GPC6: variants seen among roughly 807,000 people sequenced by gnomAD.
GPC6 encodes the protein glypican 6.
In GPC6, 14 loss-of-function variants were observed where a neutral mutation model predicts 55.2. That is an observed-to-expected ratio of 0.25 (90% confidence interval 0.17 to 0.40). GPC6 has a LOEUF of 0.40. GPC6 is among the 10% of genes least tolerant of loss of function. The pLI, the probability that GPC6 is intolerant of heterozygous loss-of-function variation, is 1.00. For missense variants in GPC6, 641 were observed against 708.5 expected, an observed-to-expected ratio of 0.90 and a Z score of 1.08; for synonymous variants, 278 against 259.6, an observed-to-expected ratio of 1.07 and a Z score of -0.68.
chr13:93,971,326 A>G (rs1055175353), intron 3 of GPC6, among the ~76,000 whole-genome samples: 15 of 152,220 alleles, frequency 9.9e-5, no homozygotes, highest in African/African-American at 3.6e-4. Context: ...ATGTGAAAGA[A>G]GTAACTGTGT....
chr13:93,919,106 A>G (rs1415738), intron 3 of GPC6, among the ~76,000 whole-genome samples: 55,892 of 151,848 alleles, frequency 0.37, 10,482 homozygotes, highest in Middle Eastern at 0.49. Flanking sequence ...CTAAAAAGTC[A>G]GTACCTCCTC....
rs544947275 is a variant in GPC6, at chr13:93,495,828, G to A, written c.161-49435G>A. Among the ~76,000 whole-genome samples, 419 of 147,302 alleles carry A rather than the reference G, an allele frequency of 2.8e-3. 4 individuals carry two copies. The highest frequency in any genetic ancestry group is 6.0e-3 in the Admixed American group (87 of 14,590). ...CCTGCTGGGGGGTGTCTCCCAGTTA[G>A]GCTGCTCGGGGGTCAGGGGTCAGGG... On this transcript the variant is annotated intron_variant, in intron 1 of 8. Transcript: ENST00000377047.
chr13:94,075,333 C>T (rs542557148), intron 4 of GPC6, among the ~76,000 whole-genome samples: 2 of 152,194 alleles, frequency 1.3e-5, no homozygotes, highest in Admixed American at 1.3e-4. Context: ...TATGAATACC[C>T]CCATGATACC....
chr13:93,935,399 C>T (rs1338106749), intron 3 of GPC6, among the ~76,000 whole-genome samples: 9 of 152,236 alleles, frequency 5.9e-5, no homozygotes, highest in African/African-American at 2.2e-4. Flanking sequence ...AAGATAATGG[C>T]CTTCAGCTCC....
upstream of GPC6, among the ~76,000 whole-genome samples, chr13:93,223,609 A>AT (rs1423204461): frequency 6.6e-6 from 1 of 151,804 alleles, no homozygotes; most frequent in African/African-American, 2.4e-5. Context: ...ACACCAGCGA[A>AT]TTTTTTGTAT....
In GPC6 at chr13:94,103,965, A is replaced by G. The variant is rs193297553; in HGVS notation, c.877+76071A>G. Among the ~76,000 whole-genome samples, 585 of 152,262 alleles carry G rather than the reference A, an allele frequency of 3.8e-3. 8 individuals are homozygous for G. Among genetic ancestry groups the G allele is most frequent in the African/African-American group, 0.014 (561 of 41,546 alleles). On this transcript the variant is annotated intron_variant, in intron 4 of 8. Coordinates refer to ENST00000377047, the MANE Select transcript of GPC6 (RefSeq NM_005708.5). ...AGTCATGAAGTCCTTGTCCATGCCTATGTCCTGAATGGTATTGCCTAGGTT... is the reference window on the plus strand; with the variant it reads ...AGTCATGAAGTCCTTGTCCATGCCTGTGTCCTGAATGGTATTGCCTAGGTT...
intron 1 of GPC6, among the ~76,000 whole-genome samples, chr13:93,281,023 G>T (rs1358795807): frequency 1.3e-5 from 2 of 152,228 alleles, no homozygotes; most frequent in East Asian, 3.9e-4. Context: ...CCAAGGGTTG[G>T]GGACCCCTGT....
At chr13:94,068,623 C>G (rs1594710434) in intron 4 of GPC6, among the ~76,000 whole-genome samples, 1 of 152,276 alleles carries the variant, frequency 6.6e-6, no homozygotes, top group East Asian at 1.9e-4. Context: ...TAGTTACTTC[C>G]TAGATACAAT....
chr13:94,395,349 G>A (rs1028870616), intron 7 of GPC6, among the ~76,000 whole-genome samples: 1 of 152,210 alleles, frequency 6.6e-6, no homozygotes, highest in Admixed American at 6.5e-5. Context: ...AATTTTCTAT[G>A]AGGCCATTTT....
chr13:93,777,187 A>G (rs2138901355), intron 2 of GPC6, among the ~76,000 whole-genome samples: 1 of 152,316 alleles, frequency 6.6e-6, no homozygotes, highest in African/African-American at 2.4e-5. Flanking sequence ...AGGATCTCAC[A>G]CAGCGGTTGA....
chr13:94,134,709 AT>A (rs1566449027), intron 4 of GPC6, among the ~76,000 whole-genome samples: 1 of 152,066 alleles, frequency 6.6e-6, no homozygotes, highest in African/African-American at 2.4e-5. Flanking sequence ...TAAGTATTGC[AT>A]TTTTTCTAAG....
chr13:94,340,793 G>C (rs1031260545), intron 6 of GPC6, among the ~76,000 whole-genome samples: 1 of 152,180 alleles, frequency 6.6e-6, no homozygotes, highest in Admixed American at 6.5e-5. Context: ...TGAAAAATGA[G>C]AAAAGGATTA....
intron 2 of GPC6, among the ~76,000 whole-genome samples, chr13:93,563,797 T>C (rs1214021216): frequency 6.6e-6 from 1 of 151,812 alleles, no homozygotes; most frequent in Non-Finnish European, 1.5e-5. Context: ...AGCAGAAAAT[T>C]CATGGTTTGT....
At chr13:93,580,005 C>A (rs1292882578) in intron 2 of GPC6, among the ~76,000 whole-genome samples, 1 of 152,180 alleles carries the variant, frequency 6.6e-6, no homozygotes, top group African/African-American at 2.4e-5. Context: ...CTGCTTATTT[C>A]TCATTCCTTG....
intron 1 of GPC6, among the ~76,000 whole-genome samples, chr13:93,508,620 G>A (rs1880824168): frequency 1.3e-5 from 2 of 152,202 alleles, no homozygotes. Context: ...CTACTGTGCT[G>A]AGAATATATT....
At chr13:93,718,876 C>T (rs1883345297) in intron 2 of GPC6, among the ~76,000 whole-genome samples, 1 of 152,006 alleles carries the variant, frequency 6.6e-6, no homozygotes, top group African/African-American at 2.4e-5. Flanking sequence ...TCAGGTTTGT[C>T]AAAGATCAGA....
At chr13:93,437,237 T>C (rs570338389) in intron 1 of GPC6, among the ~76,000 whole-genome samples, 2 of 152,240 alleles carry the variant, frequency 1.3e-5, no homozygotes, top group Non-Finnish European at 2.9e-5. Context: ...ATGTTAAAAT[T>C]AGGCCAGTTA....
intron 3 of GPC6, among the ~76,000 whole-genome samples, chr13:93,970,384 A>G (rs971355527): frequency 6.6e-6 from 1 of 152,224 alleles, no homozygotes. Context: ...GGCTGTAGAT[A>G]GGGAGCAGTA....
chr13:94,316,262 G>T (rs979735027), intron 6 of GPC6, among the ~76,000 whole-genome samples: 1 of 152,074 alleles, frequency 6.6e-6, no homozygotes, highest in East Asian at 1.9e-4. Context: ...ATCCTTTTTC[G>T]GTCAGGCTGA....
Sources: allele counts gnomAD v4.1 joint callset (sites outside exome capture counted in the v4.1 genomes callset), GRCh38; gene constraint gnomAD v4.1.1; transcripts MANE v1.5; gene names NCBI Gene and HGNC (gene_info 2026-07-23, HGNC 2026-07-21).